The following ST6GALNAC5 variants were observed in gnomAD, a reference collection of about 807,000 sequenced individuals.
The protein encoded by ST6GALNAC5 is ST6 N-acetylgalactosaminide alpha-2,6-sialyltransferase 5.
A neutral mutation model predicts 33.6 loss-of-function variants in ST6GALNAC5; 27 were observed. That is an observed-to-expected ratio of 0.80 (90% CI 0.59 to 1.11). The LOEUF (loss-of-function observed/expected upper bound fraction) is 1.11. Among genes scored for constraint, ST6GALNAC5 ranks in the 50% least tolerant of loss-of-function variants. The probability of loss-of-function intolerance (pLI) is 0.00; values close to 1 mark genes in which losing one functional copy is unlikely to be tolerated. For missense variants in ST6GALNAC5, 428 were observed against 454.0 expected, an observed-to-expected ratio of 0.94 and a Z score of 0.52; for synonymous variants, 194 against 171.2, an observed-to-expected ratio of 1.13 and a Z score of -1.04.
chr1:76,955,620 T>A (rs905977718), intron 2 of ST6GALNAC5, among the ~76,000 whole-genome samples: 2 of 152,150 alleles, frequency 1.3e-5, no homozygotes, highest in African/African-American at 4.8e-5. Flanking sequence ...CTGGCACACA[T>A]TGAGTTTTGT....
chr1:76,930,256 A>T (rs1222517149), intron 2 of ST6GALNAC5, among the ~76,000 whole-genome samples: 1 of 152,128 alleles, frequency 6.6e-6, no homozygotes, highest in Non-Finnish European at 1.5e-5. Flanking sequence ...TGTTATGAGG[A>T]TAGTTTATAT....
chr1:76,991,839 GCACACA>G lies in ST6GALNAC5; in HGVS notation c.262-52344_262-52339del, dbSNP rs4032991. On this transcript the variant is annotated intron_variant, in intron 2 of 4. Transcript: ENST00000477717. ...ACAACCTTCTAACTCACGCGTGTGC[GCACACA>G]CACACACACACACACACACAGACAC... Among the ~76,000 whole-genome samples the G allele has an allele frequency of 2.0e-3, 295 of 149,422 alleles. 1 individual carries two copies. Among genetic ancestry groups the G allele is most frequent in the African/African-American group, 6.0e-3 (245 of 41,090 alleles).
intron 2 of ST6GALNAC5, among the ~76,000 whole-genome samples, chr1:76,929,265 G>A (rs1647113657): frequency 6.6e-6 from 1 of 152,104 alleles, no homozygotes; most frequent in Non-Finnish European, 1.5e-5. Context: ...AGATGTCCAG[G>A]TGCAGGGACT....
chr1:77,037,204 G>A (rs986545549), intron 2 of ST6GALNAC5, among the ~76,000 whole-genome samples: 9 of 152,108 alleles, frequency 5.9e-5, no homozygotes, highest in African/African-American at 2.2e-4. Context: ...GCTTTTCATG[G>A]AATAGTATAC....
intron 2 of ST6GALNAC5, among the ~76,000 whole-genome samples, chr1:76,955,656 TG>T (rs1190756110): frequency 2.0e-5 from 3 of 152,210 alleles, no homozygotes; most frequent in Non-Finnish European, 2.9e-5. Flanking sequence ...TATTAATCAA[TG>T]TTTTTTTGTA....
chr1:76,987,278 A>G (rs574181195), intron 2 of ST6GALNAC5, among the ~76,000 whole-genome samples: 2 of 152,328 alleles, frequency 1.3e-5, no homozygotes, highest in South Asian at 4.1e-4. Context: ...AAATGAGCAA[A>G]GGATTTCAAC....
At chr1:76,969,106 G>A (rs948430814) in intron 2 of ST6GALNAC5, among the ~76,000 whole-genome samples, 2 of 152,128 alleles carry the variant, frequency 1.3e-5, no homozygotes, top group African/African-American at 2.4e-5. Flanking sequence ...TGTGATCAAC[G>A]CAGAACACGC....
chr1:76,929,899 C>A (rs1260301809), intron 2 of ST6GALNAC5, among the ~76,000 whole-genome samples: 1 of 151,834 alleles, frequency 6.6e-6, no homozygotes, highest in Non-Finnish European at 1.5e-5. Context: ...TCACTTGAAC[C>A]CAGGAGTTCA....
intron 2 of ST6GALNAC5, among the ~76,000 whole-genome samples, chr1:76,907,056 A>G (rs748061017): frequency 9.2e-5 from 14 of 152,070 alleles, no homozygotes; most frequent in Non-Finnish European, 1.9e-4. Flanking sequence ...GCAACCCACT[A>G]TTGCCCATCT....
At position 76,994,699 on chromosome 1, in the gene ST6GALNAC5, C is replaced by T. The variant is rs79082697; in HGVS notation, c.262-49505C>T. Among the ~76,000 whole-genome samples, 695 of 152,264 alleles carry T rather than the reference C, an allele frequency of 4.6e-3. 7 individuals carry two copies. Among genetic ancestry groups the T allele is most frequent in the African/African-American group, 0.016 (654 of 41,548 alleles). On this transcript the variant is annotated intron_variant, in intron 2 of 4. Transcript: ENST00000477717. ...GGGATTCAGGAATATCTCCATACTG[C>T]CCCAGACCACAGCAATAATTTTCTG...
At position 77,024,246 on chromosome 1, in the gene ST6GALNAC5, C is replaced by A. The variant is rs529116714; in HGVS notation, c.262-19958C>A. On this transcript the variant is annotated intron_variant, in intron 2 of 4. Coordinates refer to ENST00000477717, the MANE Select transcript of ST6GALNAC5 (RefSeq NM_030965.3). The stretch of plus-strand genomic sequence containing the variant: ...GTTGTAATTTTGCATTTGTGCAATT[C>A]TTTGGTTAATATTGGTCTTCCCCAC... Among the ~76,000 whole-genome samples, 10 of 152,312 alleles carry A rather than the reference C, an allele frequency of 6.6e-5. No homozygotes were observed. In the South Asian group the frequency reaches 1.9e-3, roughly 28 times the overall value.
intron 2 of ST6GALNAC5, among the ~76,000 whole-genome samples, chr1:77,029,112 G>C (rs967082778): frequency 2.0e-5 from 3 of 152,198 alleles, no homozygotes; most frequent in African/African-American, 7.2e-5. Flanking sequence ...CCTCTTTAGG[G>C]ATGAGGGGGT....
intron 2 of ST6GALNAC5, among the ~76,000 whole-genome samples, chr1:76,998,233 A>C (rs757009147): frequency 5.3e-5 from 8 of 152,058 alleles, no homozygotes; most frequent in Non-Finnish European, 1.2e-4. Context: ...ATACCCAAAA[A>C]ATGAAAATAA....
At chr1:76,963,487 TA>T in intron 2 of ST6GALNAC5, among the ~76,000 whole-genome samples, 1 of 152,270 alleles carries the variant, frequency 6.6e-6, no homozygotes, top group East Asian at 1.9e-4. Flanking sequence ...ACATGGGGAC[TA>T]AGGAAGACAT....
chr1:76,980,577 G>A (rs1649208621), intron 2 of ST6GALNAC5, among the ~76,000 whole-genome samples: 1 of 152,094 alleles, frequency 6.6e-6, no homozygotes. Context: ...TACTGGATGT[G>A]TCAAAAACAG....
chr1:76,867,685 C>T lies in ST6GALNAC5; in HGVS notation c.10C>T (p.Leu4=). 6.2e-7 allele frequency: 1 copy of T among 1,614,154 alleles called. No homozygotes were observed. The highest frequency in any genetic ancestry group is 8.5e-7 in the Non-Finnish European group (1 of 1,180,012). The change falls in exon 1 of 5, where the codon CTG becomes TTG. Residue 4 remains leucine, a synonymous_variant. Coordinates refer to ENST00000477717, the MANE Select transcript of ST6GALNAC5 (RefSeq NM_030965.3). The stretch of plus-strand genomic sequence containing the variant: ...AAAAGAGGTGCCCAAAATGAAGACC[C>T]TGATGGTGAGTCAGTTGTGGCAACT... MKT[L]MRHGLAVCLA...
At chr1:76,966,563 C>T (rs984717684) in intron 2 of ST6GALNAC5, among the ~76,000 whole-genome samples, 2 of 152,168 alleles carry the variant, frequency 1.3e-5, no homozygotes, top group Non-Finnish European at 2.9e-5. Context: ...ATTTGACTTC[C>T]TCTTTTCCTA....
chr1:76,879,898 T>G (rs1653737815), intron 2 of ST6GALNAC5, among the ~76,000 whole-genome samples: 1 of 152,188 alleles, frequency 6.6e-6, no homozygotes, highest in Admixed American at 6.5e-5. Flanking sequence ...CAGTAGACAC[T>G]GGGTGAGGCT....
intron 2 of ST6GALNAC5, among the ~76,000 whole-genome samples, chr1:76,914,498 G>A: frequency 6.6e-6 from 1 of 152,108 alleles, no homozygotes; most frequent in Non-Finnish European, 1.5e-5. Context: ...CAGAGATATA[G>A]ATCAATGGAA....
Sources: gnomAD v4.1 joint callset for allele counts (sites outside exome capture counted in the v4.1 genomes callset) on GRCh38, gnomAD v4.1.1 for gene constraint, MANE v1.5 for transcripts, NCBI Gene and HGNC (gene_info 2026-07-23, HGNC 2026-07-21) for gene names.